The following CSMD1 variants were observed in gnomAD, a reference collection of about 807,000 sequenced individuals.
The protein encoded by CSMD1 is CUB and Sushi multiple domains 1, also known as CUB and sushi domain-containing protein 1.
Under a neutral mutation model 417.5 loss-of-function variants are expected in CSMD1, and 213 were observed. The ratio of observed to expected loss-of-function variants is 0.51; its 90% CI spans 0.46 to 0.57. CSMD1 has a LOEUF of 0.57. Ranked by LOEUF, CSMD1 falls within the 20% of genes least tolerant of loss-of-function variation. The pLI is 0.00. For synonymous variants in CSMD1, 2,862 were observed against 1,736.8 expected (o/e 1.65, Z -16.11); for missense variants, 6,923 against 4,529.7 (o/e 1.53, Z -15.17).
At position 4,672,144 on chromosome 8, in the gene CSMD1, C is replaced by T. The variant is rs138294005; in HGVS notation, c.86-34586G>A. Among the ~76,000 whole-genome samples, 479 of 152,326 alleles carry T rather than the reference C, an allele frequency of 3.1e-3. 1 individual carries two copies. The highest frequency in any genetic ancestry group is 5.7e-3 in the Non-Finnish European group (391 of 68,028). On this transcript the variant is annotated intron_variant, in intron 1 of 69. Coordinates refer to ENST00000635120, the MANE Select transcript of CSMD1 (RefSeq NM_033225.6). ...ATCTTCCCATTGCATGAGGCTCTCA[C>T]ACAGTGAAATACCTGCTGGCTTCCA...
At chr8:4,455,213 T>C (rs1370733340) in intron 2 of CSMD1, among the ~76,000 whole-genome samples, 2 of 152,178 alleles carry the variant, frequency 1.3e-5, no homozygotes, top group African/African-American at 4.8e-5. Context: ...TTTATCTTAC[T>C]CTGAAATACT....
chr8:4,387,751 C>CA (rs1320242330), intron 3 of CSMD1, among the ~76,000 whole-genome samples: 2 of 151,914 alleles, frequency 1.3e-5, no homozygotes, highest in Non-Finnish European at 2.9e-5. Flanking sequence ...ACAACATATT[C>CA]AAAAATCCTA....
intron 13 of CSMD1, among the ~76,000 whole-genome samples, chr8:3,408,654 T>A (rs1812496942): frequency 6.6e-6 from 1 of 152,114 alleles, no homozygotes; most frequent in Non-Finnish European, 1.5e-5. Flanking sequence ...GAGTGCATTT[T>A]CTCCAGTAAT....
At chr8:4,338,870 G>A (rs966080134) in intron 3 of CSMD1, among the ~76,000 whole-genome samples, 3 of 152,060 alleles carry the variant, frequency 2.0e-5, no homozygotes, top group African/African-American at 7.2e-5. Context: ...ATTATGGAAG[G>A]TTTAGAAGAG....
chr8:3,643,179 G>GA (rs1797392263), intron 7 of CSMD1, among the ~76,000 whole-genome samples: 1 of 151,994 alleles, frequency 6.6e-6, no homozygotes, highest in African/African-American at 2.4e-5. Context: ...CCACATCCAG[G>GA]AAGCTCAGGG....
chr8:4,123,308 C>G (rs539514564), intron 3 of CSMD1, among the ~76,000 whole-genome samples: 2 of 152,240 alleles, frequency 1.3e-5, no homozygotes, highest in South Asian at 2.1e-4. Context: ...TTCCAGGTCA[C>G]TATCTGGAGC....
intron 1 of CSMD1, among the ~76,000 whole-genome samples, chr8:4,990,260 T>G (rs1266198097): frequency 6.6e-6 from 1 of 152,234 alleles, no homozygotes. Context: ...GCTGAACAGT[T>G]CTGATTTGAA....
At chr8:3,678,705 C>T (rs1000755809) in intron 7 of CSMD1, among the ~76,000 whole-genome samples, 6 of 152,010 alleles carry the variant, frequency 3.9e-5, no homozygotes, top group East Asian at 3.9e-4. Context: ...AGATACTCCT[C>T]GAGAAGAGCA....
At chr8:4,944,371 C>G (rs1017760938) in intron 1 of CSMD1, among the ~76,000 whole-genome samples, 1 of 152,102 alleles carries the variant, frequency 6.6e-6, no homozygotes, top group Non-Finnish European at 1.5e-5. Flanking sequence ...TAAGGGCCAG[C>G]AAAAATGCTC....
At chr8:3,927,817 A>G (rs1243710728) in intron 5 of CSMD1, among the ~76,000 whole-genome samples, 1 of 152,228 alleles carries the variant, frequency 6.6e-6, no homozygotes, top group Non-Finnish European at 1.5e-5. Context: ...AAATTTAAAA[A>G]TATGTCTCTC....
At chr8:4,046,347 G>T in intron 3 of CSMD1, among the ~76,000 whole-genome samples, 1 of 152,204 alleles carries the variant, frequency 6.6e-6, no homozygotes, top group South Asian at 2.1e-4. Context: ...TAGACTCAAT[G>T]TTATCATTAT....
intron 6 of CSMD1, among the ~76,000 whole-genome samples, chr8:3,713,434 G>A (rs1563301096): frequency 6.6e-6 from 1 of 152,200 alleles, no homozygotes; most frequent in East Asian, 1.9e-4. Flanking sequence ...CTCTCTAGCT[G>A]GAGCGTCCTG....
chr8:4,186,667 A>T (rs1384046269), intron 3 of CSMD1, among the ~76,000 whole-genome samples: 4 of 152,028 alleles, frequency 2.6e-5, no homozygotes, highest in African/African-American at 9.7e-5. Context: ...CCCCAAAATC[A>T]GTATATTTGT....
At chr8:3,128,486 G>A (rs1263494396) in intron 41 of CSMD1, 6 of 213,216 alleles carry the variant, frequency 2.8e-5, no homozygotes, top group African/African-American at 1.4e-4. Flanking sequence ...AAAATGACAA[G>A]AATTCTCTGT....
intron 2 of CSMD1, among the ~76,000 whole-genome samples, chr8:4,508,106 C>G (rs1222073427): frequency 7.0e-6 from 1 of 143,476 alleles, no homozygotes; most frequent in Non-Finnish European, 1.5e-5. Context: ...AAAAAAAACC[C>G]CAAAAAACAA....
intron 7 of CSMD1, among the ~76,000 whole-genome samples, chr8:3,624,781 A>C (rs923806587): frequency 5.3e-5 from 8 of 152,220 alleles, no homozygotes; most frequent in Non-Finnish European, 7.3e-5. Flanking sequence ...GAAATATGTC[A>C]ACAATGACAG....
chr8:3,292,505 G>C (rs140549960), intron 25 of CSMD1, among the ~76,000 whole-genome samples: 4 of 152,142 alleles, frequency 2.6e-5, no homozygotes, highest in Non-Finnish European at 1.5e-5. Context: ...AAGAATCTGC[G>C]TGCTCCTGTA....
chr8:3,305,868 G>C (rs947559852), intron 25 of CSMD1, among the ~76,000 whole-genome samples: 1 of 152,026 alleles, frequency 6.6e-6, no homozygotes, highest in Admixed American at 6.6e-5. Flanking sequence ...TTTTAGTAGA[G>C]AAGGGGTTTC....
intron 10 of CSMD1, chr8:3,515,277 G>C (rs1294908597): frequency 6.6e-6 from 1 of 152,234 alleles, no homozygotes; most frequent in South Asian, 2.1e-4. Flanking sequence ...GCTTTTTCTG[G>C]AGTATGTGGT....
Sources: allele counts gnomAD v4.1 joint callset (sites outside exome capture counted in the v4.1 genomes callset), GRCh38; gene constraint gnomAD v4.1.1; transcripts MANE v1.5; gene names NCBI Gene and HGNC (gene_info 2026-07-23, HGNC 2026-07-21).